TRIM11: variants seen among roughly 807,000 people sequenced by gnomAD.
TRIM11 encodes the protein tripartite motif containing 11.
In TRIM11, 15 loss-of-function variants were observed where a neutral mutation model predicts 33.4. The observed-to-expected ratio is 0.45, with a 90% CI of 0.30 to 0.69. The LOEUF (loss-of-function observed/expected upper bound fraction) is 0.69. Ranked by LOEUF, TRIM11 falls within the 30% of genes least tolerant of loss-of-function variation. The pLI, the probability that TRIM11 is intolerant of heterozygous loss-of-function variation, is 0.08. For missense variants in TRIM11, 499 were observed against 667.6 expected, an observed-to-expected ratio of 0.75 and a Z score of 2.78; for synonymous variants, 281 against 302.6, an observed-to-expected ratio of 0.93 and a Z score of 0.74.
rs549023827 is a variant in TRIM11, at chr1:228,403,214, T to A, written c.409-1053A>T. On this transcript the variant is annotated intron_variant, in intron 1 of 5. Transcript: ENST00000284551. The surrounding 1 kb of genome is among the most constrained non-coding windows in gnomAD (Gnocchi z 4.8). ...ACTTCCACCCCATCTGACACCCTTA[T>A]CAGCAACGGGCCCTGTGCTGGCCAC... 6.6e-6 allele frequency: 1 copy of A among 152,430 alleles called. No homozygotes were observed. Among genetic ancestry groups the A allele is most frequent in the South Asian group, 2.1e-4 (1 of 4,824 alleles). 9.4% of individuals were successfully genotyped at this position (152,430 alleles called of 1,614,324 possible). A position where few individuals can be genotyped will look rare whatever the true frequency, so the allele number is the denominator to read the frequency against.
intron 1 of TRIM11, chr1:228,404,859 TG>T (rs1656346799): frequency 6.6e-6 from 1 of 152,272 alleles, no homozygotes; most frequent in African/African-American, 2.4e-5. Flanking sequence ...CGCTTTTCTA[TG>T]AAGTTCTTGT....
At chr1:228,399,020 G>C (rs2075009042) in intron 3 of TRIM11, among the ~76,000 whole-genome samples, 1 of 152,120 alleles carries the variant, frequency 6.6e-6, no homozygotes, top group African/African-American at 2.4e-5. Context: ...GGGGCAGCCA[G>C]GACCCCAGAG....
Position 228,406,564 on chromosome 1 carries a change from C to G in TRIM11, c.-3G>C. The G allele has an allele frequency of 6.6e-7, 1 of 1,514,478 alleles. No individual in the cohort carries two copies. Among genetic ancestry groups the G allele is most frequent in the Non-Finnish European group, 8.9e-7 (1 of 1,127,122 alleles). 93.8% of individuals were successfully genotyped at this position (1,514,478 alleles called of 1,614,324 possible). Reference sequence around the variant, plus strand: ...GTGGACAGGTCGGGGGCGGCCATGGCGCGGACAGAGGGGAGGAAGGCGGTA... The same window carrying G: ...GTGGACAGGTCGGGGGCGGCCATGGGGCGGACAGAGGGGAGGAAGGCGGTA... On this transcript the variant is annotated 5_prime_UTR_variant, in exon 1 of 6. Transcript: ENST00000284551. The surrounding 1 kb of genome is among the most constrained non-coding windows in gnomAD (Gnocchi z 8.2).
chr1:228,395,517 CTTTT>C lies in TRIM11; in HGVS notation c.860-269_860-266del, dbSNP rs546494395. The C allele has an allele frequency of 4.7e-4, 112 of 239,446 alleles. 1 individual carries two copies. The Middle Eastern group carries it at 0.018, about 38-fold the overall frequency. The allele number at this position is 239,446 out of a possible 1,614,324, so 14.8% of individuals were successfully genotyped here. ...AGATATCAAGAGGGAATCTTGGTTG[CTTTT>C]TTTTTTTTTTTTAAAGAGGCAGGGT... On this transcript the variant is annotated intron_variant, in intron 5 of 5. Transcript: ENST00000284551. The surrounding 1 kb of genome is among the most constrained non-coding windows in gnomAD (Gnocchi z 4.8).
chr1:228,397,343 TGGACAGA>T (rs1332236365), intron 3 of TRIM11, 178 bp from the exon 4 acceptor site: 6 of 689,254 alleles, frequency 8.7e-6, no homozygotes, highest in Admixed American at 5.8e-5. Context: ...ACAGGAATGC[TGGACAGA>T]GGCTCTGACA....
chr1:228,399,444 C>T (rs2075012731), intron 3 of TRIM11, among the ~76,000 whole-genome samples: 2 of 151,382 alleles, frequency 1.3e-5, no homozygotes, highest in South Asian at 4.2e-4. Flanking sequence ...TGTATGAGAC[C>T]CAACACCCAC....
Position 228,402,757 on chromosome 1 carries a change from C to T in TRIM11, c.409-596G>A, listed in dbSNP as rs1345442561. The T allele has an allele frequency of 2.0e-5, 3 of 152,422 alleles. No homozygotes were observed. The East Asian group carries it at 5.8e-4, about 29-fold the overall frequency. The allele number at this position is 152,422 out of a possible 1,614,324, so 9.4% of individuals were successfully genotyped here. A position where few individuals can be genotyped will look rare whatever the true frequency, so the allele number is the denominator to read the frequency against. ...TAGTGTTATAAAGGAACCCTCGCCC[C>T]TTTCACCATATGACAACACAGTGAG... On this transcript the variant is annotated intron_variant, in intron 1 of 5. Transcript: ENST00000284551.
Position 228,401,180 on chromosome 1 carries a change from G to T in TRIM11, c.519C>A (p.Ser173Arg). 1.2e-6 allele frequency: 2 copies of T among 1,613,014 alleles called. No individual in the cohort carries two copies. The highest frequency in any genetic ancestry group is 2.2e-5 in the East Asian group (1 of 44,878). Residue 173 changes from serine (S) to arginine (R), a missense_variant, in exon 3 of 6, where the codon AGC becomes AGA. Coordinates refer to ENST00000284551, the MANE Select transcript of TRIM11 (RefSeq NM_145214.3). The surrounding 1 kb of genome is among the most constrained non-coding windows in gnomAD (Gnocchi z 6.1). ...ACTCACCCAGCACGTTCTGCCGCTGGCTCTCCACCATCTTCTGTGGAGCCC... is the reference window on the plus strand; with the variant it reads ...ACTCACCCAGCACGTTCTGCCGCTGTCTCTCCACCATCTTCTGTGGAGCCC... ...TCVLWQKMVE[S>R]QRQNVLGEFE... is the part of the protein sequence containing the mutation.
In TRIM11 at chr1:228,395,214, G is replaced by A; in HGVS notation, c.898C>T (p.Leu300=). Residue 300 remains leucine (L), a synonymous_variant, in exon 6 of 6, where the codon CTG becomes TTG. Coordinates refer to ENST00000284551, the MANE Select transcript of TRIM11 (RefSeq NM_145214.3). The surrounding 1 kb of genome is among the most constrained non-coding windows in gnomAD (Gnocchi z 4.8). ...TLDPDTANPE[L]ILSEDRRSVQ... ...CTCCGCCTGTCTTCAGACAGGATCA[G>A]CTCAGGGTTGGCGGTGTCCGGGTCC... 6.7e-7 allele frequency: 1 copy of A among 1,487,722 alleles called. No homozygotes were observed. The allele number at this position is 1,487,722 out of a possible 1,614,324, so 92.2% of individuals were successfully genotyped here.
Position 228,394,581 on chromosome 1 carries a change from C to T in TRIM11, c.*124G>A, listed in dbSNP as rs2074960889. Reference sequence around the variant, plus strand: ...GTTCTCCCACGCAGGCTCAGAAAGGCACCAGGAGTTCCTCCTCTTGCTCAA... The same window carrying T: ...GTTCTCCCACGCAGGCTCAGAAAGGTACCAGGAGTTCCTCCTCTTGCTCAA... On this transcript the variant is annotated 3_prime_UTR_variant, in exon 6 of 6. Transcript: ENST00000284551. The surrounding 1 kb of genome is among the most constrained non-coding windows in gnomAD (Gnocchi z 6.2). 9.0e-7 allele frequency: 1 copy of T among 1,106,682 alleles called. No homozygotes were observed. The highest frequency in any genetic ancestry group is 1.7e-5 in the South Asian group (1 of 59,336). 68.6% of individuals were successfully genotyped at this position (1,106,682 alleles called of 1,614,324 possible).
Position 228,397,118 on chromosome 1 carries a change from C to G in TRIM11, c.758+25G>C, listed in dbSNP as rs112942682. On this transcript the variant is annotated intron_variant, in intron 4 of 5. Coordinates refer to ENST00000284551, the MANE Select transcript of TRIM11 (RefSeq NM_145214.3). ...TCCCACCCCACTCCCTCCTGCCCCC[C>G]CTCCAGGAGAGGCTGGGTTCGTACC... is the stretch of plus-strand genomic sequence containing the variant. 167 of 1,613,814 alleles carry G rather than the reference C, an allele frequency of 1.0e-4. No homozygotes were observed. The African/African-American group carries it at 1.2e-3, about 12-fold the overall frequency.
At chr1:228,402,543 C>T (rs1485442615) in intron 1 of TRIM11, 3 of 165,448 alleles carry the variant, frequency 1.8e-5, no homozygotes, top group African/African-American at 7.2e-5. Context: ...GTCTACTCCT[C>T]CTCCTCTTCC....
chr1:228,405,563 AG>A (rs945879144), intron 1 of TRIM11: 6 of 152,278 alleles, frequency 3.9e-5, no homozygotes, highest in African/African-American at 1.4e-4. Context: ...GAGAAAAGGC[AG>A]GCTGAGCCCT....
intron 3 of TRIM11, among the ~76,000 whole-genome samples, chr1:228,399,834 C>T (rs1382554774): frequency 8.1e-6 from 1 of 123,238 alleles, no homozygotes; most frequent in Non-Finnish European, 1.6e-5. Context: ...GTGCACCATT[C>T]GGGTGATGGC....
chr1:228,395,062 G>A lies in TRIM11; in HGVS notation c.1050C>T (p.Asp350=). 6.2e-7 allele frequency: 1 copy of A among 1,611,236 alleles called. No individual in the cohort carries two copies. The highest frequency in any genetic ancestry group is 8.5e-7 in the Non-Finnish European group (1 of 1,178,558). The change falls in exon 6 of 6, where the codon GAC becomes GAT. Residue 350 remains aspartate, a synonymous_variant. Transcript: ENST00000284551. The surrounding 1 kb of genome is among the most constrained non-coding windows in gnomAD (Gnocchi z 4.8). ...GRHYWEVEVG[D]RTSWALGVCR... is the part of the protein sequence containing the mutation. ...ACACCCCCAGGGCCCAGCTGGTGCGGTCCCCAACCTCCACCTCCCAGTAGT... is the reference window on the plus strand; with the variant it reads ...ACACCCCCAGGGCCCAGCTGGTGCGATCCCCAACCTCCACCTCCCAGTAGT...
At chr1:228,399,888 A>AC (rs1225877887) in intron 3 of TRIM11, among the ~76,000 whole-genome samples, 5 of 140,772 alleles carry the variant, frequency 3.6e-5, no homozygotes, top group African/African-American at 1.3e-4. Flanking sequence ...ACAAAAAAAA[A>AC]AACAAAAAAA....
In TRIM11 at chr1:228,394,763, G is replaced by T; in HGVS notation, c.1349C>A (p.Thr450Asn). The T allele has an allele frequency of 6.2e-7, 1 of 1,613,702 alleles. No homozygotes were observed. Among genetic ancestry groups the T allele is most frequent in the Non-Finnish European group, 8.5e-7 (1 of 1,179,756 alleles). ...TTTCGGCCGGCAGATAGTCATCGGG[G>T]TCGGGCTGCTGGACAGGGGTGAGAA... ...PLFSPLSSSP[T>N]PMTICRPKGG... Residue 450 changes from threonine (T) to asparagine (N), a missense_variant, in exon 6 of 6, where the codon ACC becomes AAC. By Grantham distance (65) the Thr-to-Asn change is moderately conservative. Coordinates refer to ENST00000284551, the MANE Select transcript of TRIM11 (RefSeq NM_145214.3). The surrounding 1 kb of genome is among the most constrained non-coding windows in gnomAD (Gnocchi z 6.2).
intron 3 of TRIM11, among the ~76,000 whole-genome samples, chr1:228,398,322 G>T (rs1179683301): frequency 2.6e-5 from 4 of 152,112 alleles, no homozygotes; most frequent in African/African-American, 4.8e-5. Context: ...TGTCTAGGGG[G>T]ACAACAACAC....
Position 228,406,057 on chromosome 1 carries a change from T to C in TRIM11, c.408+97A>G, listed in dbSNP as rs896372765. 3 of 1,270,900 alleles carry C rather than the reference T, an allele frequency of 2.4e-6. No individual in the cohort carries two copies. In the Admixed American group the frequency reaches 1.2e-4, roughly 53 times the overall value. The allele number at this position is 1,270,900 out of a possible 1,614,324, so 78.7% of individuals were successfully genotyped here. A position where few individuals can be genotyped will look rare whatever the true frequency, so the allele number is the denominator to read the frequency against. On this transcript the variant is annotated intron_variant, in intron 1 of 5. Transcript: ENST00000284551. The surrounding 1 kb of genome is among the most constrained non-coding windows in gnomAD (Gnocchi z 8.2). ...GCTCCCCGCCCTAGACAGAGACAGA[T>C]TACTCCCGGAGCAGTCCCCCAAACC...
Sources: gnomAD v4.1 joint callset for allele counts (sites outside exome capture counted in the v4.1 genomes callset) on GRCh38, gnomAD v4.1.1 for gene constraint, Gnocchi (gnomAD v3.1) non-coding constraint, MANE v1.5 for transcripts, NCBI Gene and HGNC (gene_info 2026-07-23, HGNC 2026-07-21) for gene names.